The following ARFIP1 variants were observed in gnomAD, a reference collection of about 807,000 sequenced individuals.
The protein encoded by ARFIP1 is arfaptin-1.
A neutral mutation model predicts 42.5 loss-of-function variants in ARFIP1; 24 were observed. The ratio of observed to expected loss-of-function variants is 0.57; its 90% CI spans 0.41 to 0.80. The LOEUF is 0.80. ARFIP1 is among the 30% of genes least tolerant of loss of function. The probability of loss-of-function intolerance (pLI) is 0.00; values close to 1 mark genes in which losing one functional copy is unlikely to be tolerated. For synonymous variants in ARFIP1, 141 were observed against 153.7 expected (o/e 0.92, Z 0.61); for missense variants, 354 against 434.0 (o/e 0.82, Z 1.64).
chr4:152,910,388 G>A lies in ARFIP1; in HGVS notation c.*169G>A. On this transcript the variant is annotated 3_prime_UTR_variant, in exon 9 of 9. Coordinates refer to ENST00000353617, the MANE Select transcript of ARFIP1 (RefSeq NM_001025595.3). ...CATACTTTAACAATTGAACTGTTAA[G>A]GGTGGTTTTAATGTAAACATAGTTT... 1 of 748,340 alleles carries A rather than the reference G, an allele frequency of 1.3e-6. No individual in the cohort carries two copies. Among genetic ancestry groups the A allele is most frequent in the Non-Finnish European group, 2.0e-6 (1 of 492,688 alleles). 46.4% of individuals were successfully genotyped at this position (748,340 alleles called of 1,614,324 possible). A position where few individuals can be genotyped will look rare whatever the true frequency, so the allele number is the denominator to read the frequency against.
chr4:152,836,322 G>A (rs1273695096), intron 2 of ARFIP1, among the ~76,000 whole-genome samples: 2 of 152,126 alleles, frequency 1.3e-5, no homozygotes, highest in Non-Finnish European at 2.9e-5. Flanking sequence ...TGAAGTAATG[G>A]ATATGCTCAT....
At chr4:152,815,849 A>G (rs1013681629) in intron 1 of ARFIP1, among the ~76,000 whole-genome samples, 8 of 141,052 alleles carry the variant, frequency 5.7e-5, no homozygotes, top group African/African-American at 1.3e-4. Flanking sequence ...GGTTCACGCC[A>G]TTCTCCTGCC....
At chr4:152,850,023 C>T (rs1356718672) in intron 2 of ARFIP1, among the ~76,000 whole-genome samples, 1 of 152,122 alleles carries the variant, frequency 6.6e-6, no homozygotes, top group Non-Finnish European at 1.5e-5. Flanking sequence ...CTACAGATTC[C>T]CAAACCTGAT....
intron 1 of ARFIP1, among the ~76,000 whole-genome samples, chr4:152,798,680 T>A (rs1731621349): frequency 1.3e-5 from 2 of 152,184 alleles, no homozygotes; most frequent in Non-Finnish European, 2.9e-5. Flanking sequence ...AAAAATTTGT[T>A]TCTTTGCATT....
intron 2 of ARFIP1, among the ~76,000 whole-genome samples, chr4:152,836,070 A>G (rs1731623847): frequency 6.6e-6 from 1 of 152,204 alleles, no homozygotes; most frequent in Non-Finnish European, 1.5e-5. Flanking sequence ...TCCAACATTG[A>G]GAATCACATT....
At chr4:152,828,345 C>T (rs974679297) in intron 1 of ARFIP1, among the ~76,000 whole-genome samples, 15 of 152,226 alleles carry the variant, frequency 9.9e-5, no homozygotes, top group Admixed American at 9.8e-4. Flanking sequence ...GTGAGAGTTC[C>T]TGTTGCTTCA....
intron 7 of ARFIP1, among the ~76,000 whole-genome samples, chr4:152,886,153 C>T (rs148213534): frequency 2.0e-5 from 3 of 152,074 alleles, no homozygotes; most frequent in African/African-American, 7.2e-5. Flanking sequence ...TGACTCATTT[C>T]TTATATGTCC....
intron 8 of ARFIP1, among the ~76,000 whole-genome samples, chr4:152,898,588 C>T (rs35045015): frequency 0.23 from 34,629 of 152,028 alleles, 4,996 homozygotes; most frequent in African/African-American, 0.41. Context: ...TACGGAGAGG[C>T]AACTTACAGT....
At position 152,870,379 on chromosome 4, in the gene ARFIP1, G is replaced by C. The variant is rs573078463; in HGVS notation, c.203-374G>C. Among the ~76,000 whole-genome samples, 6 of 152,266 alleles carry C rather than the reference G, an allele frequency of 3.9e-5. No individual in the cohort carries two copies. The South Asian group carries it at 1.2e-3, about 32-fold the overall frequency. ...TGAAGAGCTTTTCCTTTATATATGAGAGTAGCAAGTTATGAAATATTTACT... is the reference window on the plus strand; with the variant it reads ...TGAAGAGCTTTTCCTTTATATATGACAGTAGCAAGTTATGAAATATTTACT... On this transcript the variant is annotated intron_variant, in intron 3 of 8. Coordinates refer to ENST00000353617, the MANE Select transcript of ARFIP1 (RefSeq NM_001025595.3).
At chr4:152,888,016 G>T in intron 7 of ARFIP1, 117 bp from the exon 8 acceptor site, 1 of 660,140 alleles carries the variant, frequency 1.5e-6, no homozygotes, top group South Asian at 4.4e-5. Context: ...GAATATGTGT[G>T]AGAATTTTAT....
chr4:152,876,572 G>C (rs184387196), intron 5 of ARFIP1, among the ~76,000 whole-genome samples: 2 of 152,346 alleles, frequency 1.3e-5, no homozygotes, highest in Admixed American at 1.3e-4. Context: ...CTATGCGATA[G>C]AAAAGAAAAA....
intron 2 of ARFIP1, among the ~76,000 whole-genome samples, chr4:152,861,883 G>A (rs935449789): frequency 7.2e-5 from 11 of 151,962 alleles, no homozygotes; most frequent in African/African-American, 2.4e-4. Context: ...CATCCCTTCT[G>A]TCTGTTCTTT....
chr4:152,834,598 T>C (rs1054892855), intron 2 of ARFIP1, among the ~76,000 whole-genome samples: 1 of 152,206 alleles, frequency 6.6e-6, no homozygotes, highest in Non-Finnish European at 1.5e-5. Flanking sequence ...TCTCCTTTAC[T>C]CTGTGCTCTG....
intron 2 of ARFIP1, among the ~76,000 whole-genome samples, chr4:152,851,990 G>A (rs536148712): frequency 1.5e-4 from 23 of 152,156 alleles, no homozygotes; most frequent in Non-Finnish European, 3.2e-4. Flanking sequence ...GTACAAAAAT[G>A]TATTTGGAGC....
rs1041742538 is a variant in ARFIP1 at position 152,911,344 on chromosome 4, T to C, written c.*1125T>C. ...GGTTTTTCTTCATTCCTTTTGAGGA[T>C]TGGGAAAACAGAAAGATTCTTTGAT... is the stretch of plus-strand genomic sequence containing the variant. On this transcript the variant is annotated 3_prime_UTR_variant, in exon 9 of 9. Transcript: ENST00000353617. The C allele has an allele frequency of 6.6e-6, 1 of 152,580 alleles. No homozygotes were observed. Among genetic ancestry groups the C allele is most frequent in the African/African-American group, 2.4e-5 (1 of 41,440 alleles). 9.5% of individuals were successfully genotyped at this position (152,580 alleles called of 1,614,324 possible).
At chr4:152,804,138 T>C (rs1475284842) in intron 1 of ARFIP1, among the ~76,000 whole-genome samples, 1 of 118,830 alleles carries the variant, frequency 8.4e-6, no homozygotes, top group East Asian at 2.2e-4. Flanking sequence ...TTATATATAA[T>C]ATAACATGTA....
chr4:152,889,843 T>C (rs1736675104), intron 8 of ARFIP1, among the ~76,000 whole-genome samples: 2 of 112,906 alleles, frequency 1.8e-5, no homozygotes, highest in Non-Finnish European at 3.5e-5. Context: ...ATACTATATA[T>C]ATACTATATA....
intron 8 of ARFIP1, among the ~76,000 whole-genome samples, chr4:152,898,173 G>A (rs922135200): frequency 4.6e-5 from 7 of 151,748 alleles, no homozygotes; most frequent in African/African-American, 1.7e-4. Context: ...TAGTAGAGAT[G>A]GGGTTTCACC....
intron 1 of ARFIP1, among the ~76,000 whole-genome samples, chr4:152,818,875 C>G (rs1213494813): frequency 6.6e-6 from 1 of 152,274 alleles, no homozygotes; most frequent in East Asian, 1.9e-4. Flanking sequence ...CACGCAGATT[C>G]TTTTGTACAA....
Sources: gnomAD v4.1 joint callset for allele counts (sites outside exome capture counted in the v4.1 genomes callset) on GRCh38, gnomAD v4.1.1 for gene constraint, MANE v1.5 for transcripts, NCBI Gene and HGNC (gene_info 2026-07-23, HGNC 2026-07-21) for gene names.